ITFG2: variants seen among roughly 807,000 people sequenced by gnomAD.
ITFG2 encodes KICSTOR complex protein ITFG2.
A neutral mutation model predicts 54.4 loss-of-function variants in ITFG2; 36 were observed. The ratio of observed to expected loss-of-function variants is 0.66; its 90% confidence interval spans 0.51 to 0.87. ITFG2 has a LOEUF of 0.87. Ranked by LOEUF, ITFG2 falls within the 40% of genes least tolerant of loss-of-function variation. The probability of loss-of-function intolerance (pLI) is 0.00; values close to 1 mark genes in which losing one functional copy is unlikely to be tolerated. For synonymous variants in ITFG2, 211 were observed against 225.4 expected, an observed-to-expected ratio of 0.94 and a Z score of 0.57; for missense variants, 524 against 576.7, an observed-to-expected ratio of 0.91 and a Z score of 0.94.
chr12:2,824,302 A>T lies in ITFG2; in HGVS notation c.*109A>T, dbSNP rs1471030519. On this transcript the variant is annotated 3_prime_UTR_variant, in exon 12 of 12. Transcript: ENST00000228799. ...GGAATATGCATTACAGAAATGCAGG[A>T]TTTGACTCTGGGCATGAAAGATGGC... 19 of 1,153,950 alleles carry T rather than the reference A, an allele frequency of 1.6e-5. No individual in the cohort carries two copies. Among genetic ancestry groups the T allele is most frequent in the Non-Finnish European group, 2.4e-5 (19 of 781,480 alleles). 71.5% of individuals were successfully genotyped at this position (1,153,950 alleles called of 1,614,324 possible). A position where few individuals can be genotyped will look rare whatever the true frequency, so the allele number is the denominator to read the frequency against.
rs116693031 is a variant in ITFG2 at position 2,839,684 on chromosome 12, A to G, written n.147-1158A>G. On this transcript the variant is annotated intron_variant and non_coding_transcript_variant, in intron 1 of 3. Transcript: ENST00000537710. ...CTGCCTTCATGGAGTTCACATTCTA[A>G]TGGAACAGGTAGATAATGAACAACT... 6.6e-3 allele frequency among the ~76,000 whole-genome samples: 1,006 copies of G among 152,282 alleles called. 12 individuals are homozygous for G. The highest frequency in any genetic ancestry group is 0.023 in the African/African-American group (968 of 41,568).
rs1312285723 is a variant in ITFG2 at position 2,824,117 on chromosome 12, C to G, written c.1268C>G (p.Ala423Gly). ...VDPDDLPVTR[A>G]LLHQTLYHPD... ...CCTGACGACCTCCCTGTGACTCGTGCCCTGCTTCACCAAACGCTCTACCAT... is the reference window on the plus strand; with the variant it reads ...CCTGACGACCTCCCTGTGACTCGTGGCCTGCTTCACCAAACGCTCTACCAT... The change falls in exon 12 of 12, where the codon GCC (alanine) becomes GGC (glycine). Residue 423 changes from alanine to glycine, a missense_variant. Coordinates refer to ENST00000228799, the MANE Select transcript of ITFG2 (RefSeq NM_018463.4). 1.2e-6 allele frequency: 2 copies of G among 1,614,142 alleles called. No individual in the cohort carries two copies. Among genetic ancestry groups the G allele is most frequent in the South Asian group, 2.2e-5 (2 of 91,076 alleles).
chr12:2,843,191 G>T (rs1397418619), intron 2 of ITFG2, among the ~76,000 whole-genome samples: 1 of 152,106 alleles, frequency 6.6e-6, no homozygotes, highest in Non-Finnish European at 1.5e-5. Flanking sequence ...GAGGGTTAAG[G>T]GCAGCCAGTT....
chr12:2,851,445 C>T (rs890749233), intron 2 of ITFG2, among the ~76,000 whole-genome samples: 3 of 151,960 alleles, frequency 2.0e-5, no homozygotes, highest in Non-Finnish European at 2.9e-5. Flanking sequence ...TGCATTCAAG[C>T]GATTCTCCTG....
At chr12:2,830,813 A>G (rs113843908) in intron 2 of ITFG2, 62 of 1,613,722 alleles carry the variant, frequency 3.8e-5, no homozygotes, top group African/African-American at 2.5e-4. Flanking sequence ...CCTGAAGCCA[A>G]TTCGGGTTTC....
chr12:2,850,465 G>A (rs2153928415), intron 2 of ITFG2, among the ~76,000 whole-genome samples: 1 of 122,178 alleles, frequency 8.2e-6, no homozygotes, highest in Non-Finnish European at 1.6e-5. Flanking sequence ...GCAAGAGCAA[G>A]ACTCTGTCTC....
chr12:2,815,110 C>T (rs1412568921), intron 1 of ITFG2, among the ~76,000 whole-genome samples: 1 of 152,048 alleles, frequency 6.6e-6, no homozygotes, highest in Non-Finnish European at 1.5e-5. Flanking sequence ...CCAAAAGTAG[C>T]TGGGATTACA....
intron 2 of ITFG2, chr12:2,857,125 G>C: frequency 1.4e-6 from 1 of 701,484 alleles, no homozygotes; most frequent in Non-Finnish European, 2.6e-6. Context: ...CTGCTTGAGT[G>C]GTGATGCAGA....
At chr12:2,816,713 C>G (rs957205514) in intron 1 of ITFG2, among the ~76,000 whole-genome samples, 3 of 147,908 alleles carry the variant, frequency 2.0e-5, no homozygotes, top group African/African-American at 7.6e-5. Flanking sequence ...GTCTTGCTCA[C>G]TCACTGCAAC....
In ITFG2 at chr12:2,844,164, G is replaced by A. The variant is rs1382249874; in HGVS notation, n.300+3169G>A. Among the ~76,000 whole-genome samples the A allele has an allele frequency of 5.5e-5, 7 of 127,892 alleles. 1 individual carries two copies. The highest frequency in any genetic ancestry group is 1.1e-4 in the Non-Finnish European group (7 of 61,968). The allele number at this position is 127,892 out of a possible 152,430, so 83.9% of individuals were successfully genotyped here. On this transcript the variant is annotated intron_variant and non_coding_transcript_variant, in intron 2 of 3. Transcript: ENST00000537710. ...TCCCAGCTACTCAGGAGGCTGAAGT[G>A]GGAGGATTGCTTGAGCCTGGGAGGT...
intron 3 of ITFG2, chr12:2,858,773 T>G (rs774734794): frequency 2.5e-6 from 4 of 1,614,248 alleles, no homozygotes; most frequent in Non-Finnish European, 3.4e-6. Context: ...CCAGGCCTTC[T>G]GTCAGAGAAC....
At chr12:2,819,965 T>G (rs1603482943) in intron 4 of ITFG2, 121 bp from the exon 5 acceptor site, 10 of 1,262,942 alleles carry the variant, frequency 7.9e-6, no homozygotes, top group South Asian at 1.8e-5. Context: ...AGACTGAGGG[T>G]GAAGTGAGTA....
intron 2 of ITFG2, among the ~76,000 whole-genome samples, chr12:2,846,091 TA>T (rs2098052683): frequency 6.6e-6 from 1 of 152,106 alleles, no homozygotes; most frequent in Admixed American, 6.5e-5. Flanking sequence ...CTGCTGGAGC[TA>T]GGGGGCGCCA....
At chr12:2,817,740 C>T in intron 2 of ITFG2, 169 bp from the exon 3 acceptor site, 1 of 609,344 alleles carries the variant, frequency 1.6e-6, no homozygotes, top group Non-Finnish European at 2.8e-6. Flanking sequence ...GTAAACCAAA[C>T]CTACAGCACA....
chr12:2,827,047 A>G, downstream of ITFG2: 2 of 1,467,802 alleles, frequency 1.4e-6, no homozygotes, highest in Non-Finnish European at 1.8e-6. The surrounding 1 kb of genome is among the most constrained non-coding windows in gnomAD (Gnocchi z 4.0). Context: ...GCAGAGAGGA[A>G]TGCGGCCAGC....
intron 2 of ITFG2, chr12:2,830,155 C>T (rs2097994188): frequency 6.6e-6 from 1 of 151,990 alleles, no homozygotes; most frequent in African/African-American, 2.4e-5. Context: ...CTGTTTCCTA[C>T]TGGGGAAATC....
chr12:2,828,305 ACTTG>A (rs755595553), downstream of ITFG2: 23 of 1,600,624 alleles, frequency 1.4e-5, no homozygotes, highest in African/African-American at 2.7e-5. Context: ...CCTGTCCCCC[ACTTG>A]CTTGTTTGGG....
At chr12:2,859,609 C>G (rs555339805) in exon 4 of ITFG2, 1 of 1,613,048 alleles carries the variant, frequency 6.2e-7, no homozygotes, top group South Asian at 1.1e-5. Flanking sequence ...AGTTTCTCCT[C>G]TTTCCCTGGT....
downstream of ITFG2, chr12:2,827,933 C>T (rs745400319): frequency 4.3e-6 from 7 of 1,614,010 alleles, no homozygotes; most frequent in Admixed American, 1.0e-4. The surrounding 1 kb of genome is among the most constrained non-coding windows in gnomAD (Gnocchi z 4.0). Context: ...TACCCACCAC[C>T]TGTGCCGAGC....
Sources: gnomAD v4.1 joint callset for allele counts (sites outside exome capture counted in the v4.1 genomes callset) on GRCh38, gnomAD v4.1.1 for gene constraint, Gnocchi (gnomAD v3.1) non-coding constraint, MANE v1.5 for transcripts, NCBI Gene and HGNC (gene_info 2026-07-23, HGNC 2026-07-21) for gene names.